Variants in HIP1 observed in about 807,000 individuals in gnomAD.
HIP1 encodes huntingtin-interacting protein 1.
HIP1 carries 65 observed loss-of-function variants against 147.6 expected under a neutral mutation model. That is an observed-to-expected ratio of 0.44 (90% CI 0.36 to 0.54). The LOEUF is 0.54. Among genes scored for constraint, HIP1 ranks in the 20% least tolerant of loss-of-function variants. HIP1 has a pLI of 0.00. For missense variants in HIP1, 1,061 were observed against 1,299.6 expected, an observed-to-expected ratio of 0.82 and a Z score of 2.82; for synonymous variants, 479 against 504.0, an observed-to-expected ratio of 0.95 and a Z score of 0.67.
At position 75,535,067 on chromosome 7, in the gene HIP1, T is replaced by C. The variant is rs1199259358; in HGVS notation, c.*3105A>G. On this transcript the variant is annotated 3_prime_UTR_variant, in exon 31 of 31. Transcript: ENST00000336926. ...TTTTGTCTAGAGAATGGGGTAGCCA[T>C]TCTAATCTGAGCTATTACGAAAGTA... 9.4e-6 allele frequency: 2 copies of C among 212,572 alleles called. No homozygotes were observed. Among genetic ancestry groups the C allele is most frequent in the East Asian group, 1.4e-4 (2 of 14,270 alleles). 13.2% of individuals were successfully genotyped at this position (212,572 alleles called of 1,614,324 possible).
Position 75,536,952 on chromosome 7 carries a change from C to G in HIP1, c.*1220G>C. The G allele has an allele frequency of 4.3e-6, 1 of 231,700 alleles. No homozygotes were observed. Among genetic ancestry groups the G allele is most frequent in the East Asian group, 6.1e-5 (1 of 16,386 alleles). The allele number at this position is 231,700 out of a possible 1,614,324, so 14.4% of individuals were successfully genotyped here. A position where few individuals can be genotyped will look rare whatever the true frequency, so the allele number is the denominator to read the frequency against. On this transcript the variant is annotated 3_prime_UTR_variant, in exon 31 of 31. Coordinates refer to ENST00000336926, the MANE Select transcript of HIP1 (RefSeq NM_005338.7). ...TCTTCCCTGATGGGAGCAATTGCAT[C>G]TGATCTTCCGGGTTTGTCAATTGCG...
In HIP1 at chr7:75,738,929, G is replaced by A. The variant is rs1413249758; in HGVS notation, c.-9C>T. ...CTGGCCATCCGATCCATGTCGCCGC[G>A]AGGAGCCGAGTCAGGGGCCCTCGGC... On this transcript the variant is annotated 5_prime_UTR_variant, in exon 1 of 31. Coordinates refer to ENST00000336926, the MANE Select transcript of HIP1 (RefSeq NM_005338.7). The A allele has an allele frequency of 2.6e-6, 4 of 1,539,640 alleles. No homozygotes were observed. Among genetic ancestry groups the A allele is most frequent in the African/African-American group, 2.8e-5 (2 of 71,970 alleles).
intron 1 of HIP1, among the ~76,000 whole-genome samples, chr7:75,671,998 G>A (rs1353350724): frequency 1.3e-5 from 2 of 152,270 alleles, no homozygotes; most frequent in Admixed American, 1.3e-4. Flanking sequence ...GCCTCCCAAA[G>A]TGCTGGGATT....
At chr7:75,586,151 G>A (rs1796267225) in intron 5 of HIP1, among the ~76,000 whole-genome samples, 1 of 151,498 alleles carries the variant, frequency 6.6e-6, no homozygotes, top group African/African-American at 2.4e-5. Flanking sequence ...CAATGCTTCT[G>A]TAACATTTTC....
chr7:75,559,100 G>C (rs587741364), intron 14 of HIP1, among the ~76,000 whole-genome samples: 1 of 152,136 alleles, frequency 6.6e-6, no homozygotes, highest in Admixed American at 6.6e-5. Flanking sequence ...TTCTATGGGG[G>C]CTTTCAGCTT....
At chr7:75,608,364 C>T (rs1554504245) in intron 1 of HIP1, among the ~76,000 whole-genome samples, 3 of 152,062 alleles carry the variant, frequency 2.0e-5, no homozygotes, top group Non-Finnish European at 4.4e-5. Context: ...TTAATAATAG[C>T]AAGATTTTGA....
At chr7:75,540,445 A>G (rs1794262077) in intron 29 of HIP1, among the ~76,000 whole-genome samples, 1 of 151,798 alleles carries the variant, frequency 6.6e-6, no homozygotes, top group Non-Finnish European at 1.5e-5. Context: ...AAAAAAAAAA[A>G]AAAAAGAAGG....
intron 1 of HIP1, among the ~76,000 whole-genome samples, chr7:75,602,810 C>A (rs3857837): frequency 4.0e-5 from 6 of 148,890 alleles, no homozygotes; most frequent in East Asian, 4.0e-4. Flanking sequence ...CAACCCCCCC[C>A]ACCCCGTACC....
intron 22 of HIP1, among the ~76,000 whole-genome samples, 199 bp from the exon 23 acceptor site, chr7:75,549,200 C>T (rs1554491660): frequency 1.3e-5 from 2 of 152,046 alleles, no homozygotes; most frequent in South Asian, 4.1e-4. Context: ...TCATGCTCCT[C>T]CTCACTCAGG....
At chr7:75,550,796 C>A (rs1794753714) in intron 22 of HIP1, among the ~76,000 whole-genome samples, 1 of 152,128 alleles carries the variant, frequency 6.6e-6, no homozygotes, top group Admixed American at 6.6e-5. Flanking sequence ...TAAAAGGAAT[C>A]CTACTGTATA....
intron 1 of HIP1, among the ~76,000 whole-genome samples, chr7:75,632,493 C>G (rs587691681): frequency 6.6e-6 from 1 of 151,994 alleles, no homozygotes; most frequent in South Asian, 2.1e-4. Flanking sequence ...GCAGCCCTGA[C>G]CTTTTGGGCT....
intron 29 of HIP1, 149 bp from the exon 30 acceptor site, chr7:75,539,580 A>T (rs1167836): frequency 0.38 from 222,882 of 592,210 alleles, 45,857 homozygotes; most frequent in Non-Finnish European, 0.42. Flanking sequence ...TTGGCCTCCC[A>T]AAGTGCTGAG....
At chr7:75,642,298 G>A (rs1798674466) in intron 1 of HIP1, among the ~76,000 whole-genome samples, 2 of 152,198 alleles carry the variant, frequency 1.3e-5, no homozygotes, top group South Asian at 4.1e-4. Flanking sequence ...AGCACTTTGG[G>A]AGGCTGAGGC....
chr7:75,688,887 C>G (rs1309262928), intron 1 of HIP1, among the ~76,000 whole-genome samples: 1 of 152,148 alleles, frequency 6.6e-6, no homozygotes, highest in Non-Finnish European at 1.5e-5. Flanking sequence ...TCATCAAGGC[C>G]CCCTTTGTCC....
intron 22 of HIP1, among the ~76,000 whole-genome samples, chr7:75,552,231 C>T (rs587762084): frequency 6.6e-6 from 1 of 152,046 alleles, no homozygotes; most frequent in African/African-American, 2.4e-5. Flanking sequence ...ATTCATAACA[C>T]TGGGGAAAAA....
chr7:75,675,031 TG>T (rs1446551409), intron 1 of HIP1, among the ~76,000 whole-genome samples: 3 of 152,092 alleles, frequency 2.0e-5, no homozygotes, highest in Non-Finnish European at 2.9e-5. Context: ...ATATTCTTTC[TG>T]CTCTTTCTTC....
At position 75,680,241 on chromosome 7, in the gene HIP1, G is replaced by A. The variant is rs144477611; in HGVS notation, c.120+58560C>T. Among the ~76,000 whole-genome samples the A allele has an allele frequency of 2.9e-3, 434 of 152,148 alleles. 4 individuals carry two copies. The highest frequency in any genetic ancestry group is 9.8e-3 in the African/African-American group (405 of 41,524). On this transcript the variant is annotated intron_variant, in intron 1 of 30. Coordinates refer to ENST00000336926, the MANE Select transcript of HIP1 (RefSeq NM_005338.7). ...ACGTTTTTAGTAGAGACGGGGATTC[G>A]CCATGTTGCCCAGGCTGGTCTTAAA...
chr7:75,604,900 C>T (rs1468930830), intron 1 of HIP1, among the ~76,000 whole-genome samples: 3 of 152,132 alleles, frequency 2.0e-5, no homozygotes, highest in Non-Finnish European at 2.9e-5. Flanking sequence ...CTTTAAAATT[C>T]CCATAAGCCA....
chr7:75,562,060 A>T lies in HIP1; in HGVS notation c.1118+13T>A. The stretch of plus-strand genomic sequence containing the variant: ...GCTCCTGAACCATCTGCTTGAACCC[A>T]GCTTGGACTCACTTCTCATCCTTGT... On this transcript the variant is annotated intron_variant, in intron 12 of 30. Coordinates refer to ENST00000336926, the MANE Select transcript of HIP1 (RefSeq NM_005338.7). 6.5e-7 allele frequency: 1 copy of T among 1,543,244 alleles called. No homozygotes were observed. Among genetic ancestry groups the T allele is most frequent in the Non-Finnish European group, 9.0e-7 (1 of 1,115,406 alleles).
Sources: gnomAD v4.1 joint callset for allele counts (sites outside exome capture counted in the v4.1 genomes callset) on GRCh38, gnomAD v4.1.1 for gene constraint, MANE v1.5 for transcripts, NCBI Gene and HGNC (gene_info 2026-07-23, HGNC 2026-07-21) for gene names.